Variants in GPR174 observed in about 807,000 individuals in gnomAD.
GPR174 encodes G protein-coupled receptor 174.
GPR174 carries 8 observed loss-of-function variants against 16.5 expected under a neutral mutation model. The ratio of observed to expected loss-of-function variants is 0.48; its 90% CI spans 0.28 to 0.87. The LOEUF is 0.87. Ranked by LOEUF, GPR174 falls within the 40% of genes least tolerant of loss-of-function variation. GPR174 has a pLI of 0.09. For missense variants in GPR174, 214 were observed against 247.5 expected, an observed-to-expected ratio of 0.86 and a Z score of 0.91; for synonymous variants, 111 against 94.8, an observed-to-expected ratio of 1.17 and a Z score of -0.99.
chrX:79,162,695 G>A (rs187253092), intron 2 of GPR174, among the ~76,000 whole-genome samples: 41 of 111,667 alleles, frequency 3.7e-4, no homozygotes, highest in African/African-American at 1.3e-3. Flanking sequence ...TTGTTGCGAG[G>A]AATGCATAAA....
At chrX:79,167,559 A>G (rs1921405986) in intron 2 of GPR174, among the ~76,000 whole-genome samples, 1 of 110,876 alleles carries the variant, frequency 9.0e-6, no homozygotes, top group Admixed American at 9.6e-5. Context: ...GAGGTCCTCA[A>G]TACCAATTGG....
chrX:79,163,137 G>A (rs931096837), intron 2 of GPR174, among the ~76,000 whole-genome samples: 3 of 111,497 alleles, frequency 2.7e-5, no homozygotes, highest in Non-Finnish European at 5.7e-5. Flanking sequence ...TTGCAGTGTG[G>A]ACACTTGAAA....
intron 2 of GPR174, among the ~76,000 whole-genome samples, chrX:79,158,566 C>G (rs1173749782): frequency 1.9e-5 from 2 of 105,765 alleles, no homozygotes; most frequent in Non-Finnish European, 3.9e-5. Context: ...GCCTCAGCCT[C>G]CTGAGTAGCT....
intron 2 of GPR174, among the ~76,000 whole-genome samples, chrX:79,160,272 C>T (rs958997821): frequency 9.0e-6 from 1 of 110,646 alleles, no homozygotes; most frequent in African/African-American, 3.3e-5. Context: ...AATTTATCTA[C>T]CCTTAAAAAT....
At chrX:79,168,412 C>T (rs1921428026) in intron 2 of GPR174, among the ~76,000 whole-genome samples, 1 of 111,597 alleles carries the variant, frequency 9.0e-6, no homozygotes, top group Non-Finnish European at 1.9e-5. Flanking sequence ...CAAAGACCAC[C>T]ATTAGAAATT....
intron 1 of GPR174, among the ~76,000 whole-genome samples, chrX:79,145,823 G>A (rs1001592507): frequency 2.7e-5 from 3 of 111,170 alleles, no homozygotes; most frequent in Admixed American, 9.6e-5. Context: ...TTTCAAACAC[G>A]TTTAAGAAAA....
chrX:79,167,884 A>G (rs1270521102), intron 2 of GPR174, among the ~76,000 whole-genome samples: 1 of 112,058 alleles, frequency 8.9e-6, no homozygotes. Flanking sequence ...AACTCATAGA[A>G]GATGTTGAAG....
At chrX:79,169,393 C>T (rs1160422198) in intron 2 of GPR174, among the ~76,000 whole-genome samples, 1 of 111,702 alleles carries the variant, frequency 9.0e-6, no homozygotes, top group Non-Finnish European at 1.9e-5. Flanking sequence ...TCTTCCTTAC[C>T]TGAGAAATCT....
At chrX:79,148,117 C>T (rs4604593) in intron 1 of GPR174, among the ~76,000 whole-genome samples, 3,543 of 111,682 alleles carry the variant, frequency 0.032, 68 homozygotes, top group Non-Finnish European at 0.05. Context: ...AGTGAGAAAA[C>T]TAAAATTTAA....
At chrX:79,147,884 A>G in intron 1 of GPR174, among the ~76,000 whole-genome samples, 1 of 111,812 alleles carries the variant, frequency 8.9e-6, no homozygotes, top group Non-Finnish European at 1.9e-5. Flanking sequence ...GAGATCTGAA[A>G]ATTAAAGTGG....
At chrX:79,152,993 T>G (rs890813057) in intron 1 of GPR174, among the ~76,000 whole-genome samples, 2 of 112,190 alleles carry the variant, frequency 1.8e-5, no homozygotes, top group Non-Finnish European at 3.8e-5. Flanking sequence ...TATGCCTGGT[T>G]AAGCTTGCAG....
At chrX:79,170,065 TCAGA>T (rs1921470741) in intron 2 of GPR174, among the ~76,000 whole-genome samples, 1 of 111,894 alleles carries the variant, frequency 8.9e-6, no homozygotes, top group Non-Finnish European at 1.9e-5. Flanking sequence ...CCCAGATGAT[TCAGA>T]CAATCAGTAA....
chrX:79,168,987 A>G (rs1339243799), intron 2 of GPR174, among the ~76,000 whole-genome samples: 1 of 111,570 alleles, frequency 9.0e-6, no homozygotes, highest in Non-Finnish European at 1.9e-5. Context: ...TTGAAACATA[A>G]GTACAACTAA....
At position 79,170,885 on chromosome X, in the gene GPR174, A is replaced by G. The variant is rs1223001891; in HGVS notation, c.-123A>G. On this transcript the variant is annotated 5_prime_UTR_variant, in exon 3 of 3. Coordinates refer to ENST00000645147, the MANE Select transcript of GPR174 (RefSeq NM_032553.3). ...CTCAGACAGATGTGGTAAAAAGAGGAAGGTTATTTTATACTTCGTATCTCC... is the reference window on the plus strand; with the variant it reads ...CTCAGACAGATGTGGTAAAAAGAGGGAGGTTATTTTATACTTCGTATCTCC... The G allele has an allele frequency of 2.0e-5, 11 of 556,402 alleles. No individual in the cohort carries two copies. Among genetic ancestry groups the G allele is most frequent in the Non-Finnish European group, 2.6e-5 (9 of 346,824 alleles). The allele number at this position is 556,402 out of a possible 1,213,427, so 45.9% of individuals were successfully genotyped here. A position where few individuals can be genotyped will look rare whatever the true frequency, so the allele number is the denominator to read the frequency against.
chrX:79,152,328 T>C lies in GPR174; in HGVS notation c.-653-4494T>C, dbSNP rs5959253. On this transcript the variant is annotated intron_variant, in intron 1 of 2. Coordinates refer to ENST00000645147, the MANE Select transcript of GPR174 (RefSeq NM_032553.3). Reference sequence around the variant, plus strand: ...CACGATAGAGCTATTTTTATATTTGTGAGTAAGCTTTTTCCTTAGGATCAA... The same window carrying C: ...CACGATAGAGCTATTTTTATATTTGCGAGTAAGCTTTTTCCTTAGGATCAA... 1.6e-3 allele frequency among the ~76,000 whole-genome samples: 181 copies of C among 111,385 alleles called. 2 individuals carry two copies. The highest frequency in any genetic ancestry group is 5.5e-3 in the African/African-American group (169 of 30,713).
At chrX:79,162,856 C>G (rs1921268373) in intron 2 of GPR174, among the ~76,000 whole-genome samples, 1 of 111,353 alleles carries the variant, frequency 9.0e-6, no homozygotes, top group Non-Finnish European at 1.9e-5. Flanking sequence ...AGGGCCAATT[C>G]CAATGTAAAT....
rs145481616 is a variant in GPR174, at chrX:79,148,976, T to A, written c.-654+3759T>A. ...GTGTTATTTTAGGTGTCTACTCTAT[T>A]TGAAGTGTCAGGCCAAATGGTGTGC... is the stretch of plus-strand genomic sequence containing the variant. On this transcript the variant is annotated intron_variant, in intron 1 of 2. Transcript: ENST00000645147. 4.0e-3 allele frequency among the ~76,000 whole-genome samples: 446 copies of A among 112,066 alleles called. 2 individuals carry two copies. The highest frequency in any genetic ancestry group is 0.013 in the African/African-American group (414 of 30,876).
intron 2 of GPR174, among the ~76,000 whole-genome samples, chrX:79,159,932 T>C (rs1921193395): frequency 9.0e-6 from 1 of 111,690 alleles, no homozygotes; most frequent in Non-Finnish European, 1.9e-5. Flanking sequence ...GGCATTCAAT[T>C]GCAGAGGTAG....
chrX:79,145,519 A>T (rs1409405868), intron 1 of GPR174, among the ~76,000 whole-genome samples: 1 of 111,957 alleles, frequency 8.9e-6, no homozygotes, highest in Non-Finnish European at 1.9e-5. Flanking sequence ...TAGTCCTGTG[A>T]ACATTTGCAA....
Sources: allele counts gnomAD v4.1 joint callset (sites outside exome capture counted in the v4.1 genomes callset), GRCh38; gene constraint gnomAD v4.1.1; transcripts MANE v1.5; gene names NCBI Gene and HGNC (gene_info 2026-07-23, HGNC 2026-07-21).